Variants in ADH5 observed in about 807,000 individuals in gnomAD.
The protein encoded by ADH5 is alcohol dehydrogenase class-3.
Under a neutral mutation model 40.3 loss-of-function variants are expected in ADH5, and 32 were observed. The observed-to-expected ratio is 0.79, with a 90% CI of 0.60 to 1.07. The LOEUF is 1.07. ADH5 is among the 50% of genes least tolerant of loss of function. The pLI, the probability that ADH5 is intolerant of heterozygous loss-of-function variation, is 0.00. For synonymous variants in ADH5, 125 were observed against 154.3 expected (o/e 0.81, Z 1.41); for missense variants, 353 against 460.5 (o/e 0.77, Z 2.14).
intron 3 of ADH5, 98 bp downstream of exon 3, chr4:99,081,877 T>C: frequency 1.7e-6 from 2 of 1,205,044 alleles, no homozygotes; most frequent in Non-Finnish European, 1.2e-6. Flanking sequence ...ACTTAGATGA[T>C]ACCTATTCAT....
In ADH5 at chr4:99,088,751, C is replaced by A; in HGVS notation, c.-51G>T. 1 of 1,485,294 alleles carries A rather than the reference C, an allele frequency of 6.7e-7. No homozygotes were observed. The allele number at this position is 1,485,294 out of a possible 1,614,324, so 92.0% of individuals were successfully genotyped here. ...GGGCTGACATCCGGGGTGGGCCGCG[C>A]AGCGACGGAGGCATGGGCGTGGCGA... On this transcript the variant is annotated 5_prime_UTR_variant, in exon 1 of 9. Coordinates refer to ENST00000296412, the MANE Select transcript of ADH5 (RefSeq NM_000671.4).
chr4:99,088,644 C>G, intron 1 of ADH5, 45 bp downstream of exon 1: 1 of 1,584,912 alleles, frequency 6.3e-7, no homozygotes, highest in Non-Finnish European at 8.6e-7. Flanking sequence ...CCATGCCATG[C>G]ACTCCCTCCC....
At chr4:99,073,425 G>A (rs771736448) in intron 7 of ADH5, among the ~76,000 whole-genome samples, 10 of 152,138 alleles carry the variant, frequency 6.6e-5, no homozygotes, top group Non-Finnish European at 1.2e-4. Context: ...TGATCCACCC[G>A]CCTCAGCCTC....
In ADH5 at chr4:99,085,235, G is replaced by T; in HGVS notation, c.13-19C>A. 7.2e-7 allele frequency: 1 copy of T among 1,382,282 alleles called. No homozygotes were observed. Among genetic ancestry groups the T allele is most frequent in the Non-Finnish European group, 9.7e-7 (1 of 1,033,928 alleles). The allele number at this position is 1,382,282 out of a possible 1,614,324, so 85.6% of individuals were successfully genotyped here. A position where few individuals can be genotyped will look rare whatever the true frequency, so the allele number is the denominator to read the frequency against. ...TGATAACCTGAAGTGGGGAAAAAAG[G>T]GAATAAGCTGTTTATCCTCCTAAAC... is the stretch of plus-strand genomic sequence containing the variant. On this transcript the variant is annotated intron_variant, in intron 1 of 8. Coordinates refer to ENST00000296412, the MANE Select transcript of ADH5 (RefSeq NM_000671.4).
intron 7 of ADH5, 94 bp downstream of exon 7, chr4:99,074,820 T>C (rs1261399418): frequency 1.1e-5 from 15 of 1,388,576 alleles, no homozygotes; most frequent in Admixed American, 2.3e-5. Flanking sequence ...ATGAAGATTC[T>C]TGTTAATATA....
chr4:99,072,325 T>C lies in ADH5; in HGVS notation c.*92A>G. On this transcript the variant is annotated 3_prime_UTR_variant, in exon 9 of 9. Transcript: ENST00000296412. ...ATTTTCTGGAGTAGCTGTGAAGCTCTACGAGGCTGTGAGGTTGGAGGCGCT... is the reference window on the plus strand; with the variant it reads ...ATTTTCTGGAGTAGCTGTGAAGCTCCACGAGGCTGTGAGGTTGGAGGCGCT... 2 of 1,192,526 alleles carry C rather than the reference T, an allele frequency of 1.7e-6. No homozygotes were observed. The highest frequency in any genetic ancestry group is 2.4e-6 in the Non-Finnish European group (2 of 816,968). 73.9% of individuals were successfully genotyped at this position (1,192,526 alleles called of 1,614,324 possible). A position where few individuals can be genotyped will look rare whatever the true frequency, so the allele number is the denominator to read the frequency against.
intron 1 of ADH5, 169 bp from the exon 2 acceptor site, chr4:99,085,385 A>G: frequency 2.3e-6 from 1 of 434,482 alleles, no homozygotes; most frequent in Non-Finnish European, 4.1e-6. Flanking sequence ...AATAGTATAC[A>G]TCAAAAATGA....
chr4:99,087,234 A>G (rs1261969882), intron 1 of ADH5, among the ~76,000 whole-genome samples: 1 of 151,832 alleles, frequency 6.6e-6, no homozygotes, highest in Non-Finnish European at 1.5e-5. Context: ...AAATACAAAA[A>G]TACCGAGCAT....
chr4:99,088,665 G>A, intron 1 of ADH5, 24 bp downstream of exon 1: 4 of 1,605,870 alleles, frequency 2.5e-6, no homozygotes, highest in Non-Finnish European at 3.4e-6. Context: ...TTGGACTCAG[G>A]GCCCTCCGCT....
intron 6 of ADH5, 121 bp from the exon 7 acceptor site, chr4:99,075,170 T>C: frequency 1.3e-6 from 1 of 789,344 alleles, no homozygotes; most frequent in South Asian, 3.3e-5. Context: ...AGGCCAAACT[T>C]AACATTTAGT....
chr4:99,088,557 G>T, intron 1 of ADH5, 132 bp downstream of exon 1: 4 of 908,190 alleles, frequency 4.4e-6, no homozygotes, highest in Non-Finnish European at 6.3e-6. Context: ...CTCGCTGGGG[G>T]CCCAGTTTCA....
Position 99,085,123 on chromosome 4 carries a change from G to A in ADH5, c.106C>T (p.Arg36Ter), listed in dbSNP as rs191189722. ...EVAPPKAHEV[R>*]IKIIATAVCH... ...CTTAAATGTATCATTACCTTGATTC[G>A]AACTTCATGAGCCTTTGGGGGTGCC... Residue 36 changes from arginine (R) to a stop codon, truncating the protein, a stop_gained, in exon 2 of 9, where the codon CGA becomes TGA. Transcript: ENST00000296412. LOFTEE classifies it high-confidence loss of function. 4.0e-6 allele frequency: 6 copies of A among 1,495,744 alleles called. No homozygotes were observed. Among genetic ancestry groups the A allele is most frequent in the South Asian group, 1.4e-5 (1 of 72,240 alleles). 92.7% of individuals were successfully genotyped at this position (1,495,744 alleles called of 1,614,324 possible). A position where few individuals can be genotyped will look rare whatever the true frequency, so the allele number is the denominator to read the frequency against.
Position 99,076,474 on chromosome 4 carries a change from C to T in ADH5, c.643G>A (p.Gly215Ser), listed in dbSNP as rs753310359. 1.7e-5 allele frequency: 28 copies of T among 1,614,018 alleles called. No individual in the cohort carries two copies. The highest frequency in any genetic ancestry group is 2.3e-5 in the Non-Finnish European group (27 of 1,180,022). The change falls in exon 6 of 9, where the codon GGT becomes AGT. Residue 215 changes from glycine (G) to serine (S), a missense_variant. Transcript: ENST00000296412. ...TCCACACCAATGATCCGGGAAGCACCAGCCACTTTACAGCCCATGATAACT... is the reference window on the plus strand; with the variant it reads ...TCCACACCAATGATCCGGGAAGCACTAGCCACTTTACAGCCCATGATAACT... The part of the protein sequence containing the change: ...LAVIMGCKVA[G>S]ASRIIGVDIN...
chr4:99,081,740 C>A (rs146920939), intron 3 of ADH5: 5 of 573,918 alleles, frequency 8.7e-6, no homozygotes, highest in African/African-American at 7.5e-5. Context: ...GCTTAATATG[C>A]CAAAATTGGT....
At chr4:99,082,170 G>A in intron 2 of ADH5, 54 bp from the exon 3 acceptor site, 1 of 1,553,300 alleles carries the variant, frequency 6.4e-7, no homozygotes, top group Non-Finnish European at 8.8e-7. Context: ...GCAATTCAGA[G>A]GTACAGATAC....
intron 1 of ADH5, chr4:99,085,677 T>C: frequency 4.5e-6 from 1 of 224,614 alleles, no homozygotes; most frequent in South Asian, 5.2e-5. Context: ...AGTGAGGAGC[T>C]ATATCCCTTG....
In ADH5 at chr4:99,081,818, C is replaced by A. The variant is rs562778953; in HGVS notation, c.256+157G>T. On this transcript the variant is annotated intron_variant, in intron 3 of 8. Coordinates refer to ENST00000296412, the MANE Select transcript of ADH5 (RefSeq NM_000671.4). The stretch of plus-strand genomic sequence containing the variant: ...GCAAAATCAGAGAGAAAAAAATATC[C>A]AAATATTTGTGCTTCCCAGATGAGG... 1.7e-4 allele frequency: 136 copies of A among 789,708 alleles called. 3 individuals are homozygous for A. In the South Asian group the frequency reaches 3.6e-3, roughly 21 times the overall value. 48.9% of individuals were successfully genotyped at this position (789,708 alleles called of 1,614,324 possible).
Position 99,072,723 on chromosome 4 carries a change from C to A in ADH5, c.962-12G>T. ...TACACTCTTCCATCCTAAAAGAAAT[C>A]ACACATTAATTTATTCAACAAATTT... On this transcript the variant is annotated splice_polypyrimidine_tract_variant and intron_variant, in intron 7 of 8. Transcript: ENST00000296412. The A allele has an allele frequency of 6.3e-7, 1 of 1,597,966 alleles. No homozygotes were observed. Among genetic ancestry groups the A allele is most frequent in the South Asian group, 1.1e-5 (1 of 87,272 alleles).
At chr4:99,073,186 C>A (rs11934304) in intron 7 of ADH5, among the ~76,000 whole-genome samples, 1 of 104,712 alleles carries the variant, frequency 9.6e-6, no homozygotes, top group Non-Finnish European at 2.0e-5. Flanking sequence ...TAAGTTTGTT[C>A]GTTTGTTTTT....
Sources: allele counts gnomAD v4.1 joint callset (sites outside exome capture counted in the v4.1 genomes callset), GRCh38; gene constraint gnomAD v4.1.1; transcripts MANE v1.5; gene names NCBI Gene and HGNC (gene_info 2026-07-23, HGNC 2026-07-21).